Variants in FMN2 observed in about 807,000 individuals in gnomAD.
The protein encoded by FMN2 is formin 2, also known as formin-2.
In FMN2, 51 loss-of-function variants were observed where a neutral mutation model predicts 142.3. That is an observed-to-expected ratio of 0.36 (90% confidence interval 0.29 to 0.45). FMN2 has a LOEUF of 0.45. FMN2 is among the 20% of genes least tolerant of loss of function. FMN2 has a pLI of 1.00. For synonymous variants in FMN2, 882 were observed against 869.8 expected (o/e 1.01, Z -0.25); for missense variants, 1,936 against 2,122.8 (o/e 0.91, Z 1.73).
At chr1:240,219,538 A>G (rs1037967603) in intron 6 of FMN2, among the ~76,000 whole-genome samples, 8 of 151,408 alleles carry the variant, frequency 5.3e-5, no homozygotes, top group Non-Finnish European at 1.2e-4. Flanking sequence ...GAAAAAAAAT[A>G]ATAAAGTTCT....
Position 240,161,503 on chromosome 1 carries a change from A to G in FMN2, c.1783-16418A>G, listed in dbSNP as rs570158860. ...AGGCGACATTGTGCCACTGCACTCC[A>G]GCCTGGGCGACAGAGGGAGACTCCA... On this transcript the variant is annotated intron_variant, in intron 2 of 17. Coordinates refer to ENST00000319653, the MANE Select transcript of FMN2 (RefSeq NM_020066.5). 2.0e-5 allele frequency among the ~76,000 whole-genome samples: 3 copies of G among 152,070 alleles called. No homozygotes were observed. In the East Asian group the frequency reaches 5.8e-4, roughly 29 times the overall value.
At chr1:240,333,788 T>G in intron 11 of FMN2, 99 bp from the exon 12 acceptor site, 1 of 846,630 alleles carries the variant, frequency 1.2e-6, no homozygotes, top group South Asian at 2.2e-5. Context: ...CCAAATGTTC[T>G]CATGTATATA....
At chr1:240,112,351 C>T (rs567379064) in intron 1 of FMN2, among the ~76,000 whole-genome samples, 19 of 151,958 alleles carry the variant, frequency 1.3e-4, no homozygotes, top group African/African-American at 2.4e-4. Context: ...AGGTTGGTCT[C>T]GATCTCTTGA....
chr1:240,436,328 C>T (rs1365069900), intron 15 of FMN2, among the ~76,000 whole-genome samples: 1 of 152,138 alleles, frequency 6.6e-6, no homozygotes, highest in African/African-American at 2.4e-5. Flanking sequence ...GTCGTCTCTG[C>T]CTAGAGCTTA....
intron 1 of FMN2, among the ~76,000 whole-genome samples, chr1:240,114,328 G>A (rs922357703): frequency 2.0e-5 from 3 of 152,154 alleles, no homozygotes; most frequent in African/African-American, 7.2e-5. Flanking sequence ...ACTCTAGAAT[G>A]GATGCTAGGT....
At chr1:240,262,981 A>G (rs1480666471) in intron 7 of FMN2, among the ~76,000 whole-genome samples, 1 of 151,334 alleles carries the variant, frequency 6.6e-6, no homozygotes, top group African/African-American at 2.4e-5. Context: ...CTAGTCTCAA[A>G]CTCCTGACCT....
chr1:240,463,162 T>G (rs1047352685), intron 16 of FMN2, among the ~76,000 whole-genome samples: 7 of 151,974 alleles, frequency 4.6e-5, no homozygotes, highest in African/African-American at 1.7e-4. Flanking sequence ...TTGTAAAGGA[T>G]GGATAGATTT....
chr1:240,093,163 G>T lies in FMN2; in HGVS notation c.1054G>T (p.Asp352Tyr), dbSNP rs1477872332. The T allele has an allele frequency of 2.1e-6, 3 of 1,442,880 alleles. No individual in the cohort carries two copies. In the Admixed American group the frequency reaches 8.5e-5, roughly 41 times the overall value. 89.4% of individuals were successfully genotyped at this position (1,442,880 alleles called of 1,614,324 possible). A position where few individuals can be genotyped will look rare whatever the true frequency, so the allele number is the denominator to read the frequency against. Residue 352 changes from aspartate (D) to tyrosine (Y), a missense_variant, in exon 1 of 18, where the codon GAT (aspartate) becomes TAT (tyrosine). Asp to Tyr is a radical substitution (Grantham distance 160, BLOSUM62 -3). Transcript: ENST00000319653. ...AGDTDEEGEE[D>Y]AFEDAPRGSP... Reference sequence around the variant, plus strand: ...GGACACGGATGAGGAGGGTGAGGAGGATGCTTTTGAGGATGCGCCCCGGGG... The same window carrying T: ...GGACACGGATGAGGAGGGTGAGGAGTATGCTTTTGAGGATGCGCCCCGGGG...
At chr1:240,278,564 G>A (rs964936510) in intron 7 of FMN2, among the ~76,000 whole-genome samples, 1 of 152,132 alleles carries the variant, frequency 6.6e-6, no homozygotes, top group African/African-American at 2.4e-5. Flanking sequence ...ACGAGGAATG[G>A]AAGGAGATTT....
intron 8 of FMN2, among the ~76,000 whole-genome samples, chr1:240,307,069 C>G (rs191419322): frequency 1.3e-5 from 2 of 152,162 alleles, no homozygotes; most frequent in Admixed American, 1.3e-4. Context: ...TTTTATTGTC[C>G]TTTGCCACTT....
chr1:240,165,713 G>A (rs114080739), intron 2 of FMN2, among the ~76,000 whole-genome samples: 271 of 151,556 alleles, frequency 1.8e-3, no homozygotes, highest in African/African-American at 6.0e-3. Context: ...TGCTTTTGCC[G>A]GGGACCTGGG....
At chr1:240,407,303 A>G (rs1305826062) in intron 15 of FMN2, among the ~76,000 whole-genome samples, 1 of 151,956 alleles carries the variant, frequency 6.6e-6, no homozygotes, top group Non-Finnish European at 1.5e-5. Context: ...GCACCAGGCT[A>G]ATTTTTTGTA....
chr1:240,342,512 T>A (rs137890642), intron 13 of FMN2, among the ~76,000 whole-genome samples: 150 of 152,296 alleles, frequency 9.8e-4, no homozygotes, highest in African/African-American at 3.3e-3. Flanking sequence ...TTTATAGCCC[T>A]TTTAAAAGTT....
At chr1:240,243,508 G>T (rs1423367623) in intron 6 of FMN2, among the ~76,000 whole-genome samples, 2 of 152,126 alleles carry the variant, frequency 1.3e-5, no homozygotes, top group African/African-American at 4.8e-5. Flanking sequence ...TATTGTCTCT[G>T]CTGTTCCTCT....
At chr1:240,405,712 G>C (rs1218244357) in intron 15 of FMN2, among the ~76,000 whole-genome samples, 1 of 152,026 alleles carries the variant, frequency 6.6e-6, no homozygotes, top group Non-Finnish European at 1.5e-5. Flanking sequence ...AAGCACCGCA[G>C]AGATTCCAGA....
At chr1:240,262,649 C>T (rs949955153) in intron 7 of FMN2, among the ~76,000 whole-genome samples, 1 of 152,062 alleles carries the variant, frequency 6.6e-6, no homozygotes, top group Non-Finnish European at 1.5e-5. Context: ...CAGCTTTATC[C>T]CCCAACAATG....
intron 15 of FMN2, among the ~76,000 whole-genome samples, chr1:240,434,860 T>G (rs1253551299): frequency 6.6e-6 from 1 of 151,794 alleles, no homozygotes; most frequent in Non-Finnish European, 1.5e-5. Context: ...CTGCTTGTTT[T>G]TTTTTTTAAA....
rs551348584 is a variant in FMN2, at chr1:240,212,735, A to G, written c.4065+1500A>G. ...TAGTACACTGAGGCTGAATCATCGT[A>G]TCTCCTCTTTTGGGTTGTGTCAGAG... On this transcript the variant is annotated intron_variant, in intron 6 of 17. Transcript: ENST00000319653. Among the ~76,000 whole-genome samples the G allele has an allele frequency of 2.2e-3, 332 of 152,322 alleles. 1 individual carries two copies. Among genetic ancestry groups the G allele is most frequent in the African/African-American group, 7.6e-3 (315 of 41,580 alleles).
chr1:240,152,040 G>A (rs1028845537), intron 2 of FMN2, among the ~76,000 whole-genome samples: 8 of 152,004 alleles, frequency 5.3e-5, no homozygotes, highest in Non-Finnish European at 1.0e-4. Context: ...CAAAGTGCTG[G>A]GATTACAGGC....
Sources: gnomAD v4.1 joint callset for allele counts (sites outside exome capture counted in the v4.1 genomes callset) on GRCh38, gnomAD v4.1.1 for gene constraint, MANE v1.5 for transcripts, NCBI Gene and HGNC (gene_info 2026-07-23, HGNC 2026-07-21) for gene names.